SHROOM3: variants seen among roughly 807,000 people sequenced by gnomAD.
SHROOM3 encodes protein Shroom3.
A neutral mutation model predicts 138.6 loss-of-function variants in SHROOM3; 47 were observed. The ratio of observed to expected loss-of-function variants is 0.34; its 90% CI spans 0.27 to 0.43. SHROOM3 has a LOEUF of 0.43. SHROOM3 is among the 20% of genes least tolerant of loss of function. SHROOM3 has a pLI of 1.00. For synonymous variants in SHROOM3, 1,062 were observed against 1,063.3 expected, an observed-to-expected ratio of 1.00 and a Z score of 0.02; for missense variants, 2,491 against 2,596.5, an observed-to-expected ratio of 0.96 and a Z score of 0.88.
intron 1 of SHROOM3, among the ~76,000 whole-genome samples, chr4:76,496,210 G>C (rs987061300): frequency 6.6e-6 from 1 of 152,218 alleles, no homozygotes; most frequent in Non-Finnish European, 1.5e-5. Context: ...TGCTTCTGGG[G>C]TGAGGAGGGC....
intron 1 of SHROOM3, among the ~76,000 whole-genome samples, chr4:76,530,431 C>CA (rs1226557056): frequency 1.3e-5 from 2 of 152,146 alleles, no homozygotes; most frequent in Middle Eastern, 3.2e-3. Flanking sequence ...GTCACAGCCA[C>CA]AGCTTCATTT....
intron 3 of SHROOM3, among the ~76,000 whole-genome samples, chr4:76,716,684 G>A (rs1720386660): frequency 6.6e-6 from 1 of 152,278 alleles, no homozygotes; most frequent in African/African-American, 2.4e-5. Flanking sequence ...TTTTTATGAT[G>A]TGTGTATCTT....
At chr4:76,561,441 T>C (rs987485087) in intron 2 of SHROOM3, among the ~76,000 whole-genome samples, 5 of 152,098 alleles carry the variant, frequency 3.3e-5, no homozygotes, top group African/African-American at 9.7e-5. Flanking sequence ...CGTGAGAATC[T>C]AGGCTAGAGT....
chr4:76,639,729 C>T (rs1023933385), intron 2 of SHROOM3: 2 of 397,066 alleles, frequency 5.0e-6, no homozygotes, highest in Non-Finnish European at 8.9e-6. Flanking sequence ...AATGTGAAGA[C>T]ACCACTACAG....
At chr4:76,446,561 A>G (rs1358889695) in intron 1 of SHROOM3, among the ~76,000 whole-genome samples, 1 of 152,120 alleles carries the variant, frequency 6.6e-6, no homozygotes, top group Non-Finnish European at 1.5e-5. Context: ...ATATCCCATC[A>G]CATGGATAGG....
At chr4:76,769,336 T>TAA (rs528844642) in intron 9 of SHROOM3, among the ~76,000 whole-genome samples, 24 of 141,640 alleles carry the variant, frequency 1.7e-4, no homozygotes, top group African/African-American at 4.9e-4. Context: ...TTTTTAGCAG[T>TAA]AAAAAAAAAA....
chr4:76,691,877 T>C (rs1719560200), intron 2 of SHROOM3, among the ~76,000 whole-genome samples: 1 of 152,230 alleles, frequency 6.6e-6, no homozygotes, highest in East Asian at 1.9e-4. Flanking sequence ...TCTTGTAAGT[T>C]CTGTTCGAGG....
intron 2 of SHROOM3, among the ~76,000 whole-genome samples, chr4:76,605,508 A>C (rs961110132): frequency 2.0e-5 from 3 of 152,132 alleles, no homozygotes; most frequent in Non-Finnish European, 4.4e-5. Flanking sequence ...GGCAGGTATG[A>C]CTCATTCCTC....
chr4:76,746,645 G>T (rs1334337826), intron 5 of SHROOM3, among the ~76,000 whole-genome samples: 1 of 152,010 alleles, frequency 6.6e-6, no homozygotes, highest in African/African-American at 2.4e-5. Flanking sequence ...AGGATTTCTA[G>T]TTATTTTTAG....
intron 1 of SHROOM3, among the ~76,000 whole-genome samples, chr4:76,456,523 A>G (rs546794400): frequency 5.9e-5 from 9 of 152,300 alleles, no homozygotes; most frequent in Non-Finnish European, 1.0e-4. Context: ...TGACGAACAT[A>G]CTGTGTATAC....
chr4:76,752,436 T>A (rs937698833), intron 6 of SHROOM3, among the ~76,000 whole-genome samples: 2 of 152,168 alleles, frequency 1.3e-5, no homozygotes, highest in Non-Finnish European at 2.9e-5. Flanking sequence ...AAATTTTATG[T>A]TGTTTTTTCT....
chr4:76,683,087 T>A (rs1719244476), intron 2 of SHROOM3, among the ~76,000 whole-genome samples: 1 of 152,230 alleles, frequency 6.6e-6, no homozygotes, highest in African/African-American at 2.4e-5. Flanking sequence ...AAGCCTCTGA[T>A]AACAAGTATC....
intron 1 of SHROOM3, among the ~76,000 whole-genome samples, chr4:76,483,330 A>G (rs543047180): frequency 9.3e-4 from 141 of 152,278 alleles, no homozygotes; most frequent in African/African-American, 3.3e-3. Context: ...TCAAAAAGTG[A>G]GCGAAGCATA....
At chr4:76,600,381 G>C (rs1734482054) in intron 2 of SHROOM3, among the ~76,000 whole-genome samples, 1 of 152,076 alleles carries the variant, frequency 6.6e-6, no homozygotes, top group African/African-American at 2.4e-5. Context: ...ATTATGCTTG[G>C]GACAGAGAAG....
rs1204028937 is a variant in SHROOM3 at position 76,754,923 on chromosome 4, C to T, written c.4440C>T (p.Ser1480=). 1 of 1,614,078 alleles carries T rather than the reference C, an allele frequency of 6.2e-7. No individual in the cohort carries two copies. The highest frequency in any genetic ancestry group is 1.3e-5 in the African/African-American group (1 of 74,916). ...CAGACACACCTCTTGGGGCCCCGAG[C>T]ACTCCAGGGAGGATCTCCCTCCGAA... ...SDPDTPLGAP[S]TPGRISLRIS... Residue 1480 remains serine, a synonymous_variant, in exon 7 of 11, where the codon AGC becomes AGT. Transcript: ENST00000296043.
chr4:76,486,347 A>G (rs996524554), intron 1 of SHROOM3, among the ~76,000 whole-genome samples: 2 of 152,242 alleles, frequency 1.3e-5, no homozygotes, highest in Non-Finnish European at 1.5e-5. Flanking sequence ...ATAATTTATA[A>G]TCATGTGATG....
intron 1 of SHROOM3, among the ~76,000 whole-genome samples, chr4:76,552,081 T>C (rs1398106470): frequency 1.3e-5 from 2 of 150,032 alleles, no homozygotes; most frequent in Admixed American, 1.3e-4. Flanking sequence ...CAGGATGGAC[T>C]CGATCTCCTG....
At chr4:76,515,397 G>A (rs1732424891) in intron 1 of SHROOM3, among the ~76,000 whole-genome samples, 1 of 151,596 alleles carries the variant, frequency 6.6e-6, no homozygotes, top group Non-Finnish European at 1.5e-5. Flanking sequence ...AAAAAAAAAG[G>A]AAGGAAGGAA....
intron 2 of SHROOM3, among the ~76,000 whole-genome samples, chr4:76,691,290 T>G (rs1187006040): frequency 2.0e-5 from 3 of 152,156 alleles, no homozygotes; most frequent in Non-Finnish European, 4.4e-5. Flanking sequence ...ATGGCTTCAG[T>G]GCAGTACTGT....
Sources: gnomAD v4.1 joint callset for allele counts (sites outside exome capture counted in the v4.1 genomes callset) on GRCh38, gnomAD v4.1.1 for gene constraint, MANE v1.5 for transcripts, NCBI Gene and HGNC (gene_info 2026-07-23, HGNC 2026-07-21) for gene names.